TFAP2E: variants seen among roughly 807,000 people sequenced by gnomAD.
The protein encoded by TFAP2E is transcription factor AP-2 epsilon.
Under a neutral mutation model 37.9 loss-of-function variants are expected in TFAP2E, and 30 were observed. The ratio of observed to expected loss-of-function variants is 0.79; its 90% confidence interval spans 0.59 to 1.07. The LOEUF is 1.07. Among genes scored for constraint, TFAP2E ranks in the 50% least tolerant of loss-of-function variants. TFAP2E has a pLI of 0.00. For missense variants in TFAP2E, 567 were observed against 637.9 expected, an observed-to-expected ratio of 0.89 and a Z score of 1.20; for synonymous variants, 318 against 295.8, an observed-to-expected ratio of 1.08 and a Z score of -0.77.
At position 35,594,775 on chromosome 1, in the gene TFAP2E, T is replaced by G. The variant is rs1204954374; in HGVS notation, c.*99T>G. 6.5e-7 allele frequency: 1 copy of G among 1,542,078 alleles called. No individual in the cohort carries two copies. Among genetic ancestry groups the G allele is most frequent in the East Asian group, 2.3e-5 (1 of 44,356 alleles). On this transcript the variant is annotated 3_prime_UTR_variant, in exon 7 of 7. Transcript: ENST00000373235. ...GAAGGACTGAAAGGTGGGATTAGAG[T>G]CAGGCCAGAAAGAGAACATTCATCC...
At chr1:35,576,681 C>T (rs1183560727) in intron 3 of TFAP2E, among the ~76,000 whole-genome samples, 1 of 152,164 alleles carries the variant, frequency 6.6e-6, no homozygotes, top group East Asian at 1.9e-4. Flanking sequence ...CCCGGAACCC[C>T]GGTCCGAAGC....
rs1008865566 is a variant in TFAP2E at position 35,590,991 on chromosome 1, G to A, written c.1046+216G>A. 6.6e-6 allele frequency among the ~76,000 whole-genome samples: 1 copy of A among 152,012 alleles called. No homozygotes were observed. On this transcript the variant is annotated intron_variant, in intron 6 of 6. Transcript: ENST00000373235. The surrounding 1 kb of genome is among the most constrained non-coding windows in gnomAD (Gnocchi z 6.2). ...CGTATGTGTGCGCCACTGTGTACGT[G>A]AGCAGTGGGCACACACACGTACGTG...
chr1:35,573,607 G>A lies in TFAP2E; in HGVS notation c.27+3G>A. 6.5e-7 allele frequency: 1 copy of A among 1,539,910 alleles called. No homozygotes were observed. The highest frequency in any genetic ancestry group is 8.7e-7 in the Non-Finnish European group (1 of 1,143,312). On this transcript the variant is annotated splice_donor_region_variant and intron_variant, in intron 1 of 6. Transcript: ENST00000373235. This position sits in a 1 kb window ranked among gnomAD's most constrained non-coding sequence, Gnocchi z 5.9. ...TGGTGCACACCTACTCCGCCATGGTGAGTAGTCTCGGGCCCGGGACATATT... is the reference window on the plus strand; with the variant it reads ...TGGTGCACACCTACTCCGCCATGGTAAGTAGTCTCGGGCCCGGGACATATT...
chr1:35,590,485 G>A lies in TFAP2E; in HGVS notation c.905-149G>A. On this transcript the variant is annotated intron_variant, in intron 5 of 6. Transcript: ENST00000373235. The surrounding 1 kb of genome is among the most constrained non-coding windows in gnomAD (Gnocchi z 6.2). ...CCCAAGGTGGGGCAATGGAATGGGG[G>A]CTGGAGCTGGGCTGGGAAGGAACAT... 4 of 999,190 alleles carry A rather than the reference G, an allele frequency of 4.0e-6. No homozygotes were observed. Among genetic ancestry groups the A allele is most frequent in the South Asian group, 2.8e-5 (1 of 35,632 alleles). The allele number at this position is 999,190 out of a possible 1,614,324, so 61.9% of individuals were successfully genotyped here.
At position 35,574,259 on chromosome 1, in the gene TFAP2E, C is replaced by T. The variant is rs943216726; in HGVS notation, c.360C>T (p.Pro120=). The T allele has an allele frequency of 8.5e-5, 113 of 1,335,562 alleles. No individual in the cohort carries two copies. The highest frequency in any genetic ancestry group is 1.0e-4 in the Non-Finnish European group (108 of 1,038,170). The allele number at this position is 1,335,562 out of a possible 1,614,324, so 82.7% of individuals were successfully genotyped here. A position where few individuals can be genotyped will look rare whatever the true frequency, so the allele number is the denominator to read the frequency against. The change falls in exon 2 of 7, where the codon CCC becomes CCT. Residue 120 remains proline, a synonymous_variant. Coordinates refer to ENST00000373235, the MANE Select transcript of TFAP2E (RefSeq NM_178548.4). ...HEEPPGLLAP[P]ARALGLDPRR... ...AGCCTCCCGGCCTGCTGGCACCGCCCGCCCGCGCCCTGGGCCTTGACCCGC... is the reference window on the plus strand; with the variant it reads ...AGCCTCCCGGCCTGCTGGCACCGCCTGCCCGCGCCCTGGGCCTTGACCCGC...
chr1:35,589,832 G>T, intron 4 of TFAP2E, 98 bp from the exon 5 acceptor site: 1 of 1,232,644 alleles, frequency 8.1e-7, no homozygotes, highest in Admixed American at 1.7e-5. Flanking sequence ...CTCAACAGGG[G>T]CTGGTGGAGG....
chr1:35,577,432 C>T lies in TFAP2E; in HGVS notation c.562+2432C>T. On this transcript the variant is annotated intron_variant, in intron 3 of 6. Coordinates refer to ENST00000373235, the MANE Select transcript of TFAP2E (RefSeq NM_178548.4). This position sits in a 1 kb window ranked among gnomAD's most constrained non-coding sequence, Gnocchi z 6.3. ...TTCCGACGGCACGAGGAACTCCTGT[C>T]CTGCCCCACAGACCTTCGGCCTCCG... is the stretch of plus-strand genomic sequence containing the variant. The T allele has an allele frequency of 2.2e-6, 1 of 456,816 alleles. No individual in the cohort carries two copies. Among genetic ancestry groups the T allele is most frequent in the South Asian group, 1.5e-5 (1 of 64,576 alleles). 28.3% of individuals were successfully genotyped at this position (456,816 alleles called of 1,614,324 possible).
chr1:35,584,351 C>T (rs1427668531), intron 3 of TFAP2E, among the ~76,000 whole-genome samples: 1 of 151,942 alleles, frequency 6.6e-6, no homozygotes, highest in East Asian at 1.9e-4. Flanking sequence ...GATCCTCCTG[C>T]CTCAGTTTCC....
intron 3 of TFAP2E, among the ~76,000 whole-genome samples, chr1:35,584,643 T>A (rs1260480198): frequency 6.6e-6 from 1 of 152,138 alleles, no homozygotes; most frequent in African/African-American, 2.4e-5. Context: ...GCTCAAGCAA[T>A]CCTCCTACCT....
At chr1:35,592,511 C>G (rs6702647) in intron 6 of TFAP2E, among the ~76,000 whole-genome samples, 11,217 of 152,182 alleles carry the variant, frequency 0.074, 479 homozygotes, top group African/African-American at 0.1. Flanking sequence ...AATTCTCCTG[C>G]CTCAGCCTCC....
At chr1:35,578,783 C>CA (rs1041905674) in intron 3 of TFAP2E, among the ~76,000 whole-genome samples, 3 of 151,798 alleles carry the variant, frequency 2.0e-5, no homozygotes, top group Admixed American at 1.3e-4. Context: ...GAGAGGGTGC[C>CA]AAAAAACTCA....
chr1:35,576,650 C>G (rs1052042113), intron 3 of TFAP2E, among the ~76,000 whole-genome samples: 1 of 152,196 alleles, frequency 6.6e-6, no homozygotes, highest in African/African-American at 2.4e-5. Flanking sequence ...GAAGGATCAG[C>G]TGTTCCTCTG....
chr1:35,590,090 G>A lies in TFAP2E; in HGVS notation c.904+42G>A. On this transcript the variant is annotated intron_variant, in intron 5 of 6. Transcript: ENST00000373235. The surrounding 1 kb of genome is among the most constrained non-coding windows in gnomAD (Gnocchi z 6.2). ...GGTGGGCATGGGAGTGGATGTGAGGGCAAGTGAGTTGTCTGGTGTGACTGT... is the reference window on the plus strand; with the variant it reads ...GGTGGGCATGGGAGTGGATGTGAGGACAAGTGAGTTGTCTGGTGTGACTGT... The A allele has an allele frequency of 6.3e-7, 1 of 1,584,056 alleles. No individual in the cohort carries two copies. The highest frequency in any genetic ancestry group is 8.7e-7 in the Non-Finnish European group (1 of 1,153,468).
In TFAP2E at chr1:35,590,492, C is replaced by CTTTTTT; in HGVS notation, c.905-141_905-140insTTTTTT. On this transcript the variant is annotated intron_variant, in intron 5 of 6. Coordinates refer to ENST00000373235, the MANE Select transcript of TFAP2E (RefSeq NM_178548.4). The surrounding 1 kb of genome is among the most constrained non-coding windows in gnomAD (Gnocchi z 6.2). ...TGGGGCAATGGAATGGGGGCTGGAGCTGGGCTGGGAAGGAACATCAGAGGG... is the reference window on the plus strand; with the variant it reads ...TGGGGCAATGGAATGGGGGCTGGAGCTTTTTTTGGGCTGGGAAGGAACATCAGAGGG... 9.4e-7 allele frequency: 1 copy of CTTTTTT among 1,064,148 alleles called. No individual in the cohort carries two copies. The highest frequency in any genetic ancestry group is 1.3e-6 in the Non-Finnish European group (1 of 792,576). 65.9% of individuals were successfully genotyped at this position (1,064,148 alleles called of 1,614,324 possible).
Position 35,573,755 on chromosome 1 carries a change from C to T in TFAP2E, c.27+151C>T, listed in dbSNP as rs2148543916. The T allele has an allele frequency of 2.9e-6, 4 of 1,387,546 alleles. No individual in the cohort carries two copies. The highest frequency in any genetic ancestry group is 2.8e-6 in the Non-Finnish European group (3 of 1,056,568). 86.0% of individuals were successfully genotyped at this position (1,387,546 alleles called of 1,614,324 possible). A position where few individuals can be genotyped will look rare whatever the true frequency, so the allele number is the denominator to read the frequency against. ...GCTGAGAACGCGATGCGCAAGTGACCGCTGTCCCCAGCCTGAGGCTCCTGC... is the reference window on the plus strand; with the variant it reads ...GCTGAGAACGCGATGCGCAAGTGACTGCTGTCCCCAGCCTGAGGCTCCTGC... On this transcript the variant is annotated intron_variant, in intron 1 of 6. Transcript: ENST00000373235. This position sits in a 1 kb window ranked among gnomAD's most constrained non-coding sequence, Gnocchi z 5.9.
rs148543339 is a variant in TFAP2E at position 35,585,936 on chromosome 1, C to A, written c.563-2394C>A. The stretch of plus-strand genomic sequence containing the variant: ...TGGTGGCACGCACCTGTAGTCCCAG[C>A]AACTTGGGAGGCTGAGGTGGGAGGA... On this transcript the variant is annotated intron_variant, in intron 3 of 6. Coordinates refer to ENST00000373235, the MANE Select transcript of TFAP2E (RefSeq NM_178548.4). Among the ~76,000 whole-genome samples, 1,519 of 152,134 alleles carry A rather than the reference C, an allele frequency of 1.0e-2. 32 individuals are homozygous for A. Among genetic ancestry groups the A allele is most frequent in the African/African-American group, 0.035 (1,446 of 41,506 alleles).
At chr1:35,578,738 A>G (rs912375019) in intron 3 of TFAP2E, among the ~76,000 whole-genome samples, 15 of 152,110 alleles carry the variant, frequency 9.9e-5, no homozygotes, top group African/African-American at 3.6e-4. Context: ...GACATGGGTG[A>G]GATGAGTGAG....
Position 35,590,685 on chromosome 1 carries a change from TC to T in TFAP2E, c.959del (p.Pro320GlnfsTer39), listed in dbSNP as rs1258754364. On this transcript the variant is annotated frameshift_variant, in exon 6 of 7. Coordinates refer to ENST00000373235, the MANE Select transcript of TFAP2E (RefSeq NM_178548.4). LOFTEE classifies it high-confidence loss of function. This position sits in a 1 kb window ranked among gnomAD's most constrained non-coding sequence, Gnocchi z 6.2. ...TTCGGTTACGTCTGTGAGACGGAGT[TC>T]CCAGCCAAGGCAGCTGCCGAGTACC... is the stretch of plus-strand genomic sequence containing the variant. Reference protein sequence around the residue: ...RDFGYVCETEFPAKAAAEYLC... With the variant: ...RDFGYVCETEXPAKAAAEYLC... The T allele has an allele frequency of 1.3e-6, 2 of 1,555,494 alleles. No individual in the cohort carries two copies.
At chr1:35,575,096 G>T in intron 3 of TFAP2E, 96 bp downstream of exon 3, 2 of 1,486,420 alleles carry the variant, frequency 1.3e-6, no homozygotes, top group Non-Finnish European at 1.9e-6. Flanking sequence ...CCTGTGTGTC[G>T]CCAGGCTGGG....
Sources: allele counts gnomAD v4.1 joint callset (sites outside exome capture counted in the v4.1 genomes callset), GRCh38; gene constraint gnomAD v4.1.1; non-coding constraint Gnocchi (gnomAD v3.1); transcripts MANE v1.5; gene names NCBI Gene and HGNC (gene_info 2026-07-23, HGNC 2026-07-21).